The following RPTOR variants were observed in gnomAD, a reference collection of about 807,000 sequenced individuals.
The protein encoded by RPTOR is regulatory-associated protein of mTOR.
A neutral mutation model predicts 169.9 loss-of-function variants in RPTOR; 21 were observed. The ratio of observed to expected loss-of-function variants is 0.12; its 90% CI spans 0.09 to 0.18. RPTOR has a LOEUF of 0.18. Ranked by LOEUF, RPTOR falls within the 10% of genes least tolerant of loss-of-function variation. The pLI is 1.00. For missense variants in RPTOR, 1,133 were observed against 1,855.9 expected (o/e 0.61, Z 7.16); for synonymous variants, 732 against 753.2 (o/e 0.97, Z 0.46).
chr17:80,691,945 G>A (rs1402480431), intron 3 of RPTOR, among the ~76,000 whole-genome samples: 3 of 152,180 alleles, frequency 2.0e-5, no homozygotes, highest in African/African-American at 4.8e-5. Flanking sequence ...GAACACCAAC[G>A]TAATTACCCA....
chr17:80,623,825 C>T (rs369555430), intron 1 of RPTOR, among the ~76,000 whole-genome samples: 21 of 152,220 alleles, frequency 1.4e-4, no homozygotes, highest in African/African-American at 4.8e-4. Context: ...GGTGAGCCAC[C>T]GTGCCCAGCC....
chr17:80,850,264 G>T, intron 11 of RPTOR, among the ~76,000 whole-genome samples: 1 of 152,176 alleles, frequency 6.6e-6, no homozygotes, highest in East Asian at 1.9e-4. Flanking sequence ...TGTCCCTGTG[G>T]ACCCGTTGTT....
chr17:80,764,316 C>G (rs9913614), intron 6 of RPTOR, among the ~76,000 whole-genome samples: 1 of 113,820 alleles, frequency 8.8e-6, no homozygotes, highest in African/African-American at 3.4e-5. Flanking sequence ...TCCCCCCTCC[C>G]CCCACCCCAC....
At position 80,620,179 on chromosome 17, in the gene RPTOR, A is replaced by G. The variant is rs909906044; in HGVS notation, c.163-5512A>G. Among the ~76,000 whole-genome samples the G allele has an allele frequency of 3.3e-5, 5 of 152,218 alleles. 1 individual carries two copies. Among genetic ancestry groups the G allele is most frequent in the Admixed American group, 2.0e-4 (3 of 15,280 alleles). On this transcript the variant is annotated intron_variant, in intron 1 of 33. Transcript: ENST00000306801. ...GGCCATGCATTGTTAGTGAGCATTT[A>G]TAGTTTTATAGTTTCTCAAAATGAT...
At chr17:80,712,926 C>T (rs1376394473) in intron 4 of RPTOR, among the ~76,000 whole-genome samples, 2 of 152,114 alleles carry the variant, frequency 1.3e-5, no homozygotes, top group African/African-American at 4.8e-5. Flanking sequence ...TGAAATTGGG[C>T]GTCTTTGCAT....
intron 5 of RPTOR, among the ~76,000 whole-genome samples, chr17:80,741,592 C>G (rs2066482303): frequency 6.6e-6 from 1 of 152,160 alleles, no homozygotes; most frequent in Non-Finnish European, 1.5e-5. Context: ...GAGCTCTGCT[C>G]AGGCAATGTG....
chr17:80,612,760 T>G (rs1305397853), intron 1 of RPTOR, among the ~76,000 whole-genome samples: 1 of 152,110 alleles, frequency 6.6e-6, no homozygotes, highest in Non-Finnish European at 1.5e-5. Flanking sequence ...CCTAGCTACT[T>G]GGGAGGCTGA....
At position 80,676,463 on chromosome 17, in the gene RPTOR, C is replaced by G. The variant is rs572016306; in HGVS notation, c.349-31378C>G. Among the ~76,000 whole-genome samples the G allele has an allele frequency of 9.4e-4, 143 of 152,282 alleles. 1 individual carries two copies. The highest frequency in any genetic ancestry group is 3.4e-3 in the African/African-American group (141 of 41,554). On this transcript the variant is annotated intron_variant, in intron 3 of 33. Transcript: ENST00000306801. ...GCACCAGGCATCAGGGCCCCCGGGA[C>G]CTCTGGACATCAGCGCTGTGGGTCG...
intron 7 of RPTOR, among the ~76,000 whole-genome samples, chr17:80,811,107 G>A (rs1318247232): frequency 6.6e-6 from 1 of 152,176 alleles, no homozygotes; most frequent in Non-Finnish European, 1.5e-5. Flanking sequence ...AATGTCTCCA[G>A]TATAATGTTA....
intron 1 of RPTOR, among the ~76,000 whole-genome samples, chr17:80,605,651 T>C (rs1384330167): frequency 6.6e-6 from 1 of 152,178 alleles, no homozygotes; most frequent in Non-Finnish European, 1.5e-5. Flanking sequence ...CTTCCAGAGC[T>C]ACAGTTCCTA....
intron 2 of RPTOR, among the ~76,000 whole-genome samples, chr17:80,626,357 G>A (rs912802508): frequency 8.3e-5 from 7 of 84,546 alleles, no homozygotes; most frequent in African/African-American, 3.6e-4. Context: ...TACACGCCCG[G>A]CCAATTTTCT....
intron 13 of RPTOR, among the ~76,000 whole-genome samples, chr17:80,869,711 G>C (rs1470086242): frequency 6.6e-6 from 1 of 152,184 alleles, no homozygotes; most frequent in Admixed American, 6.5e-5. Context: ...TCTGGAGTGT[G>C]ATCATGGCTT....
intron 11 of RPTOR, among the ~76,000 whole-genome samples, chr17:80,850,161 C>T (rs1235075248): frequency 1.3e-5 from 2 of 152,150 alleles, no homozygotes; most frequent in Non-Finnish European, 2.9e-5. Flanking sequence ...GAACCTGCTA[C>T]CCACATAGTG....
chr17:80,603,103 C>A (rs1009909310), intron 1 of RPTOR, among the ~76,000 whole-genome samples: 1 of 152,158 alleles, frequency 6.6e-6, no homozygotes, highest in Non-Finnish European at 1.5e-5. Context: ...GCGCCTGTCT[C>A]CCTCATCATG....
chr17:80,943,321 A>C (rs2069056669), intron 25 of RPTOR, among the ~76,000 whole-genome samples: 1 of 152,048 alleles, frequency 6.6e-6, no homozygotes. Flanking sequence ...CTTCTGTTGT[A>C]GGACTTTTTA....
At chr17:80,657,688 C>T (rs1387006262) in intron 3 of RPTOR, among the ~76,000 whole-genome samples, 2 of 152,174 alleles carry the variant, frequency 1.3e-5, no homozygotes, top group African/African-American at 4.8e-5. Context: ...GCAGCCAGGA[C>T]TGTAGATTCC....
At chr17:80,894,601 C>G (rs1338564169) in intron 20 of RPTOR, among the ~76,000 whole-genome samples, 1 of 152,214 alleles carries the variant, frequency 6.6e-6, no homozygotes, top group African/African-American at 2.4e-5. Context: ...TAGCTATGTT[C>G]ATCTTCACAC....
chr17:80,773,539 T>C (rs1371680759), intron 6 of RPTOR, among the ~76,000 whole-genome samples: 1 of 152,242 alleles, frequency 6.6e-6, no homozygotes, highest in African/African-American at 2.4e-5. Context: ...TTTTGATTTG[T>C]GCCTGTGCTT....
At chr17:80,548,059 G>A (rs551649959) in intron 1 of RPTOR, among the ~76,000 whole-genome samples, 2 of 147,186 alleles carry the variant, frequency 1.4e-5, no homozygotes, top group Admixed American at 6.9e-5. Context: ...AACCCCATTT[G>A]TGGAGTGTTT....
Sources: gnomAD v4.1 joint callset for allele counts (sites outside exome capture counted in the v4.1 genomes callset) on GRCh38, gnomAD v4.1.1 for gene constraint, MANE v1.5 for transcripts, NCBI Gene and HGNC (gene_info 2026-07-23, HGNC 2026-07-21) for gene names.